The following ECT2L variants were observed in gnomAD, a reference collection of about 807,000 sequenced individuals.
The protein encoded by ECT2L is epithelial cell transforming 2 like, also known as epithelial cell-transforming sequence 2 oncogene-like.
A neutral mutation model predicts 122.8 loss-of-function variants in ECT2L; 126 were observed. That is an observed-to-expected ratio of 1.03 (90% CI 0.89 to 1.19). The LOEUF (loss-of-function observed/expected upper bound fraction) is 1.19. Ranked by LOEUF, ECT2L falls within the 50% of genes most tolerant of loss-of-function variation. The pLI is 0.00. For missense variants in ECT2L, 1,012 were observed against 1,064.1 expected (o/e 0.95, Z 0.68); for synonymous variants, 385 against 381.8 (o/e 1.01, Z -0.10).
intron 9 of ECT2L, among the ~76,000 whole-genome samples, chr6:138,851,641 T>C (rs1040730306): frequency 9.8e-5 from 15 of 152,288 alleles, no homozygotes; most frequent in African/African-American, 3.6e-4. Context: ...TCTATTCAAG[T>C]CCTTTGCACA....
intron 9 of ECT2L, among the ~76,000 whole-genome samples, chr6:138,851,333 C>T (rs1777443809): frequency 6.6e-6 from 1 of 151,908 alleles, no homozygotes; most frequent in Admixed American, 6.6e-5. Context: ...TGATGCACAC[C>T]ATCATATCCA....
chr6:138,883,965 G>T (rs1326399056), intron 16 of ECT2L, among the ~76,000 whole-genome samples: 1 of 152,166 alleles, frequency 6.6e-6, no homozygotes, highest in Non-Finnish European at 1.5e-5. Context: ...CCAGGCTCAG[G>T]TGATCCTCCC....
At chr6:138,879,822 A>G (rs1402287236) in intron 14 of ECT2L, among the ~76,000 whole-genome samples, 5 of 152,132 alleles carry the variant, frequency 3.3e-5, no homozygotes, top group Admixed American at 3.3e-4. Context: ...GCATGGTGGC[A>G]TGCACCTGTA....
chr6:138,900,730 G>A (rs1227407180), intron 20 of ECT2L, among the ~76,000 whole-genome samples: 1 of 152,138 alleles, frequency 6.6e-6, no homozygotes, highest in East Asian at 1.9e-4. Context: ...ACTCCACCAG[G>A]AGCCCTGATG....
At chr6:138,866,408 G>A (rs1285149568) in intron 12 of ECT2L, among the ~76,000 whole-genome samples, 4 of 152,040 alleles carry the variant, frequency 2.6e-5, no homozygotes, top group South Asian at 2.1e-4. Context: ...GCCTCACCAC[G>A]CCCGGCTAAT....
At position 138,838,414 on chromosome 6, in the gene ECT2L, T is replaced by C. The variant is rs1206435120; in HGVS notation, c.242T>C (p.Leu81Ser). ...QVAKVDFSTVLPRFISLYIFS... is the reference protein window; with the variant it reads ...QVAKVDFSTVSPRFISLYIFS... ...GCCAAAGTGGACTTCTCTACAGTGT[T>C]ACCACGCTTCATTTCTCTATATATC... is the stretch of plus-strand genomic sequence containing the variant. Residue 81 changes from leucine (L) to serine (S), a missense_variant, in exon 5 of 22, where the codon TTA becomes TCA. Transcript: ENST00000541398. The C allele has an allele frequency of 1.9e-6, 3 of 1,614,060 alleles. No individual in the cohort carries two copies. The highest frequency in any genetic ancestry group is 1.7e-6 in the Non-Finnish European group (2 of 1,179,978).
Position 138,902,815 on chromosome 6 carries a change from A to G in ECT2L, c.*188A>G. 1 of 628,836 alleles carries G rather than the reference A, an allele frequency of 1.6e-6. No individual in the cohort carries two copies. Among genetic ancestry groups the G allele is most frequent in the Non-Finnish European group, 2.6e-6 (1 of 391,442 alleles). 39.0% of individuals were successfully genotyped at this position (628,836 alleles called of 1,614,324 possible). A position where few individuals can be genotyped will look rare whatever the true frequency, so the allele number is the denominator to read the frequency against. On this transcript the variant is annotated 3_prime_UTR_variant, in exon 22 of 22. Coordinates refer to ENST00000541398, the MANE Select transcript of ECT2L (RefSeq NM_001077706.3). ...TTGTGCTCACTTATGTAGAATGTAT[A>G]AGTACATTTTGAGTCCAAAATTTTG...
intron 1 of ECT2L, among the ~76,000 whole-genome samples, chr6:138,802,439 A>G (rs1379457421): frequency 6.6e-6 from 1 of 152,236 alleles, no homozygotes; most frequent in African/African-American, 2.4e-5. Flanking sequence ...TGATAACCCC[A>G]TTAGATAATC....
chr6:138,868,011 A>AAAAAAG (rs1442323697), intron 12 of ECT2L, 92 bp from the exon 13 acceptor site: 2 of 793,982 alleles, frequency 2.5e-6, no homozygotes, highest in Non-Finnish European at 3.6e-6. Flanking sequence ...AAAAAAAAAA[A>AAAAAAG]AAAAAAAAGA....
chr6:138,875,684 A>G (rs1778417978), intron 13 of ECT2L, among the ~76,000 whole-genome samples: 1 of 152,270 alleles, frequency 6.6e-6, no homozygotes, highest in Non-Finnish European at 1.5e-5. Flanking sequence ...AGGTCTAGAA[A>G]GGTTATGTGA....
chr6:138,827,076 C>T (rs192024513), intron 4 of ECT2L, among the ~76,000 whole-genome samples: 2 of 152,196 alleles, frequency 1.3e-5, no homozygotes, highest in African/African-American at 2.4e-5. Flanking sequence ...CAGCCAGGTG[C>T]GGTGGTTCAT....
intron 20 of ECT2L, among the ~76,000 whole-genome samples, chr6:138,898,423 T>G (rs1779285899): frequency 1.3e-5 from 2 of 152,194 alleles, no homozygotes; most frequent in African/African-American, 4.8e-5. Flanking sequence ...AACTCCTACT[T>G]CCTAACGCTG....
intron 1 of ECT2L, among the ~76,000 whole-genome samples, chr6:138,796,988 CTTGT>C (rs145093410): frequency 0.017 from 2,548 of 152,278 alleles, 60 homozygotes; most frequent in African/African-American, 0.053. Context: ...ACAGTTGCAT[CTTGT>C]TTGTTACAGC....
chr6:138,840,050 A>G (rs1776982624), intron 5 of ECT2L, among the ~76,000 whole-genome samples: 3 of 152,208 alleles, frequency 2.0e-5, no homozygotes, highest in African/African-American at 7.2e-5. Context: ...CACACATTTT[A>G]TATATGTACT....
chr6:138,797,262 A>T (rs568971509), intron 1 of ECT2L, among the ~76,000 whole-genome samples: 30 of 152,268 alleles, frequency 2.0e-4, no homozygotes, highest in Admixed American at 9.2e-4. Flanking sequence ...CACCAATCAC[A>T]CTTACTTTTC....
chr6:138,865,389 CTTATTT>C (rs1283904533), intron 12 of ECT2L, among the ~76,000 whole-genome samples: 1 of 152,148 alleles, frequency 6.6e-6, no homozygotes, highest in Non-Finnish European at 1.5e-5. Flanking sequence ...GAAGCTCGTT[CTTATTT>C]TAACATTTTA....
At position 138,838,391 on chromosome 6, in the gene ECT2L, C is replaced by G; in HGVS notation, c.219C>G (p.Ala73=). 6.2e-7 allele frequency: 1 copy of G among 1,609,964 alleles called. No individual in the cohort carries two copies. Reference sequence around the variant, plus strand: ...GGTTTTCAGAAAGGATGCAAGTGGCCAAAGTGGACTTCTCTACAGTGTTAC... The same window carrying G: ...GGTTTTCAGAAAGGATGCAAGTGGCGAAAGTGGACTTCTCTACAGTGTTAC... The part of the protein sequence containing the change: ...QDWFSERMQV[A]KVDFSTVLPR... Residue 73 remains alanine, a synonymous_variant, in exon 5 of 22, where the codon GCC becomes GCG. Coordinates refer to ENST00000541398, the MANE Select transcript of ECT2L (RefSeq NM_001077706.3).
intron 13 of ECT2L, 81 bp downstream of exon 13, chr6:138,868,287 G>T: frequency 1.5e-6 from 2 of 1,297,104 alleles, no homozygotes; most frequent in South Asian, 1.4e-5. Context: ...TAATTTTTTT[G>T]ACCAGTTTAT....
intron 8 of ECT2L, among the ~76,000 whole-genome samples, chr6:138,847,516 G>A (rs1313208432): frequency 4.1e-5 from 6 of 147,438 alleles, no homozygotes; most frequent in Non-Finnish European, 6.0e-5. Flanking sequence ...GACTACAGGC[G>A]CCCGCCACCA....
Sources: allele counts gnomAD v4.1 joint callset (sites outside exome capture counted in the v4.1 genomes callset), GRCh38; gene constraint gnomAD v4.1.1; transcripts MANE v1.5; gene names NCBI Gene and HGNC (gene_info 2026-07-23, HGNC 2026-07-21).